SMARCA2: variants seen among roughly 807,000 people sequenced by gnomAD.
SMARCA2 encodes the protein SWI/SNF related BAF chromatin remodeling complex subunit ATPase 2.
Under a neutral mutation model 199.8 loss-of-function variants are expected in SMARCA2, and 61 were observed. The ratio of observed to expected loss-of-function variants is 0.31; its 90% confidence interval spans 0.25 to 0.38. The LOEUF (loss-of-function observed/expected upper bound fraction) is 0.38. Ranked by LOEUF, SMARCA2 falls within the 10% of genes least tolerant of loss-of-function variation. The pLI, the probability that SMARCA2 is intolerant of heterozygous loss-of-function variation, is 1.00. For synonymous variants in SMARCA2, 935 were observed against 732.0 expected, an observed-to-expected ratio of 1.28 and a Z score of -4.48; for missense variants, 1,344 against 2,012.2, an observed-to-expected ratio of 0.67 and a Z score of 6.35.
intron 32 of SMARCA2, among the ~76,000 whole-genome samples, chr9:2,190,029 T>C (rs1268531176): frequency 6.6e-6 from 1 of 152,214 alleles, no homozygotes; most frequent in Non-Finnish European, 1.5e-5. Flanking sequence ...ACCCACATTT[T>C]CAGTGCCTTC....
chr9:2,046,321 A>G (rs941089883), intron 4 of SMARCA2, among the ~76,000 whole-genome samples: 1 of 152,216 alleles, frequency 6.6e-6, no homozygotes, highest in African/African-American at 2.4e-5. Flanking sequence ...GCGGAAAATT[A>G]TTTTAAATTA....
intron 2 of SMARCA2, among the ~76,000 whole-genome samples, chr9:2,031,468 A>G (rs1017111726): frequency 6.6e-6 from 1 of 152,244 alleles, no homozygotes; most frequent in Non-Finnish European, 1.5e-5. Flanking sequence ...AATGAAAGAT[A>G]AAATGTGAGG....
At chr9:2,071,726 A>G (rs79554468) in intron 10 of SMARCA2, among the ~76,000 whole-genome samples, 1 of 152,320 alleles carries the variant, frequency 6.6e-6, no homozygotes, top group East Asian at 1.9e-4. Flanking sequence ...AGTGATTTCC[A>G]GTTTTCTTAG....
chr9:2,153,678 C>T (rs771806084), intron 27 of SMARCA2, among the ~76,000 whole-genome samples: 5 of 152,088 alleles, frequency 3.3e-5, no homozygotes, highest in Non-Finnish European at 7.4e-5. Flanking sequence ...TTCCCCTCTA[C>T]ATGTATGAGT....
intron 28 of SMARCA2, among the ~76,000 whole-genome samples, chr9:2,165,534 C>G (rs1825891871): frequency 6.6e-6 from 1 of 152,182 alleles, no homozygotes; most frequent in Admixed American, 6.5e-5. Context: ...TACTGGCCCC[C>G]ATCATTTTAT....
At chr9:2,183,854 G>A (rs1398023411) in intron 31 of SMARCA2, among the ~76,000 whole-genome samples, 2 of 152,148 alleles carry the variant, frequency 1.3e-5, no homozygotes, top group Non-Finnish European at 2.9e-5. Flanking sequence ...TTTAGTCTCT[G>A]GATAGATATT....
At chr9:2,125,489 C>CTTTT (rs60942071) in intron 27 of SMARCA2, among the ~76,000 whole-genome samples, 7 of 129,824 alleles carry the variant, frequency 5.4e-5, no homozygotes, top group East Asian at 2.2e-4. Context: ...CTGGGCCAAC[C>CTTTT]TTTTTTTTTT....
chr9:2,109,396 C>T (rs998196331), intron 23 of SMARCA2, among the ~76,000 whole-genome samples: 2 of 151,840 alleles, frequency 1.3e-5, no homozygotes, highest in African/African-American at 2.4e-5. Flanking sequence ...ATTACACATA[C>T]ATAATATGTG....
rs1406191798 is a variant in SMARCA2 at position 2,039,367 on chromosome 9, A to T, written c.356-99A>T. On this transcript the variant is annotated intron_variant, in intron 3 of 33. Transcript: ENST00000349721. The surrounding 1 kb of genome is among the most constrained non-coding windows in gnomAD (Gnocchi z 4.8). ...ATGATATGTCATTCAAATTTCTGTC[A>T]GACAGTGTTGCTGTGGACAATTATT... The T allele has an allele frequency of 8.9e-7, 1 of 1,126,108 alleles. No individual in the cohort carries two copies. Among genetic ancestry groups the T allele is most frequent in the African/African-American group, 1.6e-5 (1 of 63,864 alleles). 69.8% of individuals were successfully genotyped at this position (1,126,108 alleles called of 1,614,324 possible).
At chr9:2,041,595 A>G (rs917945381) in intron 4 of SMARCA2, 9 of 392,978 alleles carry the variant, frequency 2.3e-5, no homozygotes, top group Non-Finnish European at 3.6e-5. Context: ...TTTTGAGGGG[A>G]CCATAAACTT....
At chr9:2,142,605 C>T (rs1397580751) in intron 27 of SMARCA2, among the ~76,000 whole-genome samples, 2 of 152,248 alleles carry the variant, frequency 1.3e-5, no homozygotes, top group East Asian at 1.9e-4. Context: ...TATTTAATAG[C>T]CTGTAGAGTT....
At chr9:2,106,273 T>C (rs1166617515) in intron 23 of SMARCA2, among the ~76,000 whole-genome samples, 1 of 152,208 alleles carries the variant, frequency 6.6e-6, no homozygotes, top group African/African-American at 2.4e-5. Flanking sequence ...ACCCCATCTC[T>C]GAAAATACAG....
At chr9:2,027,261 G>C (rs1341015486) in intron 1 of SMARCA2, among the ~76,000 whole-genome samples, 1 of 151,980 alleles carries the variant, frequency 6.6e-6, no homozygotes, top group Non-Finnish European at 1.5e-5. Flanking sequence ...GGGCAATATA[G>C]TGAGACTCTG....
At position 2,060,877 on chromosome 9, in the gene SMARCA2, A is replaced by G; in HGVS notation, c.1583A>G (p.Tyr528Cys). 1 of 1,614,168 alleles carries G rather than the reference A, an allele frequency of 6.2e-7. No homozygotes were observed. The stretch of plus-strand genomic sequence containing the variant: ...CAAAAGAAAGACAGGCGTTTAGCTT[A>G]CCTTTTGCAGCAGACCGATGAGTAT... Reference protein sequence around the residue: ...IDQKKDRRLAYLLQQTDEYVA... With the variant: ...IDQKKDRRLACLLQQTDEYVA... Residue 528 changes from tyrosine to cysteine, a missense_variant, in exon 9 of 34, where the codon TAC becomes TGC. Physicochemically the swap from Tyr to Cys is radical, Grantham distance 194. Around this residue, in one of 18 missense-constraint regions of SMARCA2, gnomAD observed 4 missense variants for 35.9 expected, o/e 0.11. Transcript: ENST00000349721.
intron 13 of SMARCA2, among the ~76,000 whole-genome samples, chr9:2,077,132 G>T (rs1025439647): frequency 6.6e-6 from 1 of 152,086 alleles, no homozygotes; most frequent in Non-Finnish European, 1.5e-5. Context: ...CATGAACAAG[G>T]CACAGAAGAT....
intron 5 of SMARCA2, among the ~76,000 whole-genome samples, chr9:2,048,140 T>G (rs1819959003): frequency 6.6e-6 from 1 of 152,182 alleles, no homozygotes; most frequent in Non-Finnish European, 1.5e-5. Flanking sequence ...ATGGGCTGGC[T>G]GCCTTTCGGT....
In SMARCA2 at chr9:2,142,428, C is replaced by T. The variant is rs1005288715; in HGVS notation, c.3981+18491C>T. ...CTTCCTTATGCTTGCTTAAACTGGC[C>T]TGTTTGGGGATTTGGTATTCTCTCT... On this transcript the variant is annotated intron_variant, in intron 27 of 33. Transcript: ENST00000349721. Among the ~76,000 whole-genome samples, 10 of 152,062 alleles carry T rather than the reference C, an allele frequency of 6.6e-5. No individual in the cohort carries two copies. In the South Asian group the frequency reaches 2.1e-3, roughly 32 times the overall value.
At chr9:2,121,968 T>G (rs1252327780) in intron 26 of SMARCA2, among the ~76,000 whole-genome samples, 1 of 152,206 alleles carries the variant, frequency 6.6e-6, no homozygotes, top group East Asian at 1.9e-4. Context: ...AGACCAATTA[T>G]TCACAAAGTA....
intron 26 of SMARCA2, among the ~76,000 whole-genome samples, chr9:2,121,479 C>T (rs1052959704): frequency 6.6e-6 from 1 of 152,194 alleles, no homozygotes; most frequent in African/African-American, 2.4e-5. Context: ...TCCTTAGCAC[C>T]TCCACTTGGG....
Sources: allele counts gnomAD v4.1 joint callset (sites outside exome capture counted in the v4.1 genomes callset), GRCh38; gene constraint gnomAD v4.1.1; regional missense constraint gnomAD v4.1.1; non-coding constraint Gnocchi (gnomAD v3.1); transcripts MANE v1.5; gene names NCBI Gene and HGNC (gene_info 2026-07-23, HGNC 2026-07-21).